RFC3: variants seen among roughly 807,000 people sequenced by gnomAD.
The protein encoded by RFC3 is A1 38 kDa subunit.
Under a neutral mutation model 45.1 loss-of-function variants are expected in RFC3, and 41 were observed. The observed-to-expected ratio is 0.91, with a 90% CI of 0.71 to 1.18. The LOEUF is 1.18. Among genes scored for constraint, RFC3 ranks in the 50% most tolerant of loss-of-function variants. The pLI is 0.00. For missense variants in RFC3, 423 were observed against 428.1 expected (o/e 0.99, Z 0.10); for synonymous variants, 149 against 144.0 (o/e 1.03, Z -0.25).
chr13:33,848,480 A>G (rs980943569), intron 8 of RFC3: 41 of 152,210 alleles, frequency 2.7e-4, no homozygotes, highest in African/African-American at 9.6e-4. Context: ...TGGTTTATCT[A>G]AAACAAATTC....
At chr13:33,917,873 CA>C (rs2082743390) in intron 8 of RFC3, among the ~76,000 whole-genome samples, 1 of 151,860 alleles carries the variant, frequency 6.6e-6, no homozygotes, top group South Asian at 2.1e-4. Context: ...AACAAACAAA[CA>C]GGAAACCTTC....
chr13:33,969,084 A>C (rs560853936), downstream of RFC3, among the ~76,000 whole-genome samples: 1 of 152,232 alleles, frequency 6.6e-6, no homozygotes, highest in Non-Finnish European at 1.5e-5. Flanking sequence ...CTGTCAACAA[A>C]TGAGATCTGA....
intron 8 of RFC3, among the ~76,000 whole-genome samples, chr13:33,926,656 T>C (rs1400341974): frequency 1.3e-5 from 2 of 151,976 alleles, no homozygotes; most frequent in Non-Finnish European, 2.9e-5. Context: ...GGGTTAAAAC[T>C]TGTACCCTCA....
intron 8 of RFC3, among the ~76,000 whole-genome samples, chr13:33,928,076 G>T (rs1248057605): frequency 2.0e-5 from 3 of 152,124 alleles, no homozygotes; most frequent in Admixed American, 1.3e-4. Flanking sequence ...TGAATCTGAA[G>T]AAAGAGAAGT....
chr13:33,893,194 C>T (rs1249245877), intron 8 of RFC3, among the ~76,000 whole-genome samples: 2 of 152,130 alleles, frequency 1.3e-5, no homozygotes, highest in African/African-American at 2.4e-5. Flanking sequence ...GAAGTACATT[C>T]CACAGGACCC....
chr13:33,820,131 C>T (rs1447673597), intron 1 of RFC3, among the ~76,000 whole-genome samples: 1 of 152,182 alleles, frequency 6.6e-6, no homozygotes, highest in Non-Finnish European at 1.5e-5. Flanking sequence ...GTCACCCACT[C>T]ATCTTTATAG....
intron 1 of RFC3, among the ~76,000 whole-genome samples, chr13:33,819,575 C>G (rs574617252): frequency 1.3e-5 from 2 of 151,484 alleles, no homozygotes; most frequent in Admixed American, 1.3e-4. Context: ...TTTTTTTGGT[C>G]TCTTTATTGA....
intron 8 of RFC3, among the ~76,000 whole-genome samples, chr13:33,917,840 C>T (rs938620283): frequency 6.6e-6 from 1 of 151,868 alleles, no homozygotes; most frequent in Non-Finnish European, 1.5e-5. Context: ...ACAGACAATC[C>T]ACTTGAATTT....
intron 7 of RFC3, among the ~76,000 whole-genome samples, chr13:33,834,298 GTATATATATATATATATA>G (rs58858615): frequency 1.4e-4 from 15 of 109,220 alleles, no homozygotes; most frequent in Non-Finnish European, 2.1e-4. Flanking sequence ...TGTACTGTGT[GTATATATATATATATATA>G]TATATATATA....
intron 8 of RFC3, among the ~76,000 whole-genome samples, chr13:33,886,112 G>A (rs2082520499): frequency 6.6e-6 from 1 of 152,104 alleles, no homozygotes; most frequent in Admixed American, 6.6e-5. Flanking sequence ...TGAGACTTCA[G>A]AAATCGCCTT....
At chr13:33,837,884 T>C (rs192106273), downstream of RFC3, among the ~76,000 whole-genome samples, 94 of 152,236 alleles carry the variant, frequency 6.2e-4, no homozygotes, top group Middle Eastern at 6.8e-3. Context: ...CTACAAATGT[T>C]GATATTTTAG....
At chr13:33,879,285 T>G (rs1464629036) in intron 8 of RFC3, among the ~76,000 whole-genome samples, 2 of 152,244 alleles carry the variant, frequency 1.3e-5, no homozygotes, top group Non-Finnish European at 2.9e-5. Flanking sequence ...ATATAAATTA[T>G]GAATTTCCTT....
At chr13:33,942,376 C>T (rs1057104046) in intron 8 of RFC3, among the ~76,000 whole-genome samples, 13 of 151,876 alleles carry the variant, frequency 8.6e-5, no homozygotes, top group East Asian at 1.9e-4. Flanking sequence ...GGGGTACATG[C>T]GATGCTTTGA....
chr13:33,974,681 T>C, the RFC3 span, among the ~76,000 whole-genome samples: 6 of 152,182 alleles, frequency 3.9e-5, no homozygotes, highest in Non-Finnish European at 8.8e-5. Flanking sequence ...CAGAATAGAT[T>C]TTAAAGATGA....
intron 7 of RFC3, among the ~76,000 whole-genome samples, chr13:33,833,315 C>T (rs991031550): frequency 1.3e-5 from 2 of 151,826 alleles, no homozygotes; most frequent in African/African-American, 4.8e-5. Flanking sequence ...GCTCTTACAC[C>T]GTGTTATTTA....
At chr13:33,873,687 C>T (rs2082427396) in intron 8 of RFC3, among the ~76,000 whole-genome samples, 1 of 152,176 alleles carries the variant, frequency 6.6e-6, no homozygotes, top group Non-Finnish European at 1.5e-5. Flanking sequence ...GAACAAGACC[C>T]TTCACCCTCT....
At chr13:33,897,691 C>T (rs1347875309) in intron 8 of RFC3, among the ~76,000 whole-genome samples, 1 of 151,932 alleles carries the variant, frequency 6.6e-6, no homozygotes, top group African/African-American at 2.4e-5. Flanking sequence ...TCTGTAAAGG[C>T]ACACATAGAC....
At chr13:33,892,583 A>G (rs1248445059) in intron 8 of RFC3, among the ~76,000 whole-genome samples, 12 of 152,156 alleles carry the variant, frequency 7.9e-5, no homozygotes, top group East Asian at 1.9e-4. Context: ...ATCTGAGCCT[A>G]TAATTCTCAA....
intron 8 of RFC3, among the ~76,000 whole-genome samples, chr13:33,868,058 T>A (rs1180365691): frequency 2.0e-5 from 3 of 152,204 alleles, no homozygotes; most frequent in African/African-American, 7.2e-5. Flanking sequence ...GGCTTAGGGT[T>A]GCCTTCCTTT....
Sources: allele counts gnomAD v4.1 joint callset (sites outside exome capture counted in the v4.1 genomes callset), GRCh38; gene constraint gnomAD v4.1.1; transcripts MANE v1.5; gene names NCBI Gene and HGNC (gene_info 2026-07-23, HGNC 2026-07-21).